The following PDK1 variants were observed in gnomAD, a reference collection of about 807,000 sequenced individuals.
PDK1 encodes [Pyruvate dehydrogenase (acetyl-transferring)] kinase isozyme 1, mitochondrial.
A neutral mutation model predicts 54.2 loss-of-function variants in PDK1; 39 were observed. That is an observed-to-expected ratio of 0.72 (90% confidence interval 0.56 to 0.94). The LOEUF is 0.94. Ranked by LOEUF, PDK1 falls within the 40% of genes least tolerant of loss-of-function variation. PDK1 has a pLI of 0.00. For synonymous variants in PDK1, 221 were observed against 207.1 expected, an observed-to-expected ratio of 1.07 and a Z score of -0.58; for missense variants, 552 against 566.0, an observed-to-expected ratio of 0.98 and a Z score of 0.25.
chr2:172,616,583 A>G, the PDK1 span, among the ~76,000 whole-genome samples: 1 of 152,254 alleles, frequency 6.6e-6, no homozygotes, highest in Admixed American at 6.5e-5. Context: ...TGGATGGAAT[A>G]GGGAAAAGCA....
chr2:172,592,965 C>G lies in PDK1; in HGVS notation c.1087C>G (p.Arg363Gly). 6 of 1,611,892 alleles carry G rather than the reference C, an allele frequency of 3.7e-6. No homozygotes were observed. Among genetic ancestry groups the G allele is most frequent in the Non-Finnish European group, 5.1e-6 (6 of 1,178,310 alleles). The change falls in exon 10 of 11, where the codon CGT (arginine) becomes GGT (glycine). Residue 363 changes from arginine (R) to glycine (G), a missense_variant. Arg to Gly is a moderately radical substitution (Grantham distance 125). Transcript: ENST00000282077. The stretch of plus-strand genomic sequence containing the variant: ...TTTTGGTTATGGATTGCCCATATCA[C>G]GTCTTTACGCACAATACTTCCAAGG... ...AGFGYGLPIS[R>G]LYAQYFQGDL...
At chr2:172,679,669 T>C in the PDK1 span, among the ~76,000 whole-genome samples, 2 of 151,820 alleles carry the variant, frequency 1.3e-5, no homozygotes, top group African/African-American at 4.8e-5. Context: ...ATAGGCCCAA[T>C]AGATTGTGAA....
the PDK1 span, among the ~76,000 whole-genome samples, chr2:172,645,259 G>GTTTTTTTT: frequency 1.0e-4 from 4 of 38,752 alleles, no homozygotes; most frequent in East Asian, 0.011. Context: ...TACAAAATAG[G>GTTTTTTTT]CTTTTTTTTT....
chr2:172,678,446 G>A, the PDK1 span, among the ~76,000 whole-genome samples: 1 of 152,104 alleles, frequency 6.6e-6, no homozygotes, highest in African/African-American at 2.4e-5. Flanking sequence ...GTTGGAGAGA[G>A]TAAGACAGGA....
the PDK1 span, among the ~76,000 whole-genome samples, chr2:172,691,670 T>C: frequency 3.3e-5 from 5 of 152,228 alleles, no homozygotes; most frequent in Admixed American, 6.5e-5. Context: ...GTACAATATT[T>C]AGTCTTTTCA....
intron 8 of PDK1, among the ~76,000 whole-genome samples, chr2:172,580,051 TTTTA>T: frequency 6.7e-6 from 1 of 150,002 alleles, no homozygotes; most frequent in Middle Eastern, 3.4e-3. Context: ...TCTGCTCTAG[TTTTA>T]TTTTATTGCT....
chr2:172,685,452 C>A, the PDK1 span, among the ~76,000 whole-genome samples: 5 of 152,200 alleles, frequency 3.3e-5, no homozygotes, highest in African/African-American at 1.2e-4. Context: ...AAAGAAATAT[C>A]ATTTGCTGAA....
chr2:172,716,709 G>A, the PDK1 span, among the ~76,000 whole-genome samples: 1 of 152,024 alleles, frequency 6.6e-6, no homozygotes, highest in Non-Finnish European at 1.5e-5. Context: ...CAAATATTCT[G>A]TTTTTCAGAT....
chr2:172,713,124 C>T, the PDK1 span, among the ~76,000 whole-genome samples: 2 of 152,140 alleles, frequency 1.3e-5, no homozygotes, highest in Non-Finnish European at 2.9e-5. Flanking sequence ...TATCCACAGG[C>T]AGGTTGTACA....
At chr2:172,717,164 T>A in the PDK1 span, among the ~76,000 whole-genome samples, 1 of 152,228 alleles carries the variant, frequency 6.6e-6, no homozygotes, top group Admixed American at 6.5e-5. Flanking sequence ...ATCAAAGAAC[T>A]GCTTACGGCT....
chr2:172,645,621 G>A, the PDK1 span, among the ~76,000 whole-genome samples: 2,403 of 152,142 alleles, frequency 0.016, 63 homozygotes, highest in African/African-American at 0.055. Flanking sequence ...ACTGTATAAC[G>A]CCACTACTGA....
the PDK1 span, chr2:172,675,032 A>G: frequency 6.6e-6 from 1 of 152,276 alleles, no homozygotes; most frequent in East Asian, 1.9e-4. Context: ...ATCTGTGATC[A>G]GTGGTCTTTC....
the PDK1 span, among the ~76,000 whole-genome samples, chr2:172,622,849 T>C: frequency 2.7e-5 from 4 of 146,782 alleles, no homozygotes; most frequent in East Asian, 1.9e-4. Flanking sequence ...TATATGTTTA[T>C]ATATTATATG....
At chr2:172,609,908 G>A (rs949765674), downstream of PDK1, among the ~76,000 whole-genome samples, 16 of 151,992 alleles carry the variant, frequency 1.1e-4, no homozygotes, top group African/African-American at 3.6e-4. Context: ...TGCAACCTCC[G>A]CCTCCTAGGT....
the PDK1 span, among the ~76,000 whole-genome samples, chr2:172,627,198 T>A: frequency 6.6e-6 from 1 of 152,354 alleles, no homozygotes; most frequent in East Asian, 1.9e-4. Context: ...GGGCCACCTG[T>A]GGATTGTCAC....
downstream of PDK1, among the ~76,000 whole-genome samples, chr2:172,610,628 TA>T (rs1229200131): frequency 2.0e-5 from 3 of 152,230 alleles, no homozygotes; most frequent in Non-Finnish European, 4.4e-5. Flanking sequence ...CTTTTTTCTT[TA>T]AGATGGAATC....
chr2:172,556,435 G>A lies in PDK1; in HGVS notation c.196+89G>A. The A allele has an allele frequency of 2.0e-6, 2 of 983,558 alleles. 1 individual carries two copies. The highest frequency in any genetic ancestry group is 3.4e-5 in the African/African-American group (2 of 59,168). The allele number at this position is 983,558 out of a possible 1,614,324, so 60.9% of individuals were successfully genotyped here. A position where few individuals can be genotyped will look rare whatever the true frequency, so the allele number is the denominator to read the frequency against. ...CCCCAGGCCGGGTCGGCGCCGGCCA[G>A]CTCTCGCCTGAGGCGCACCCCTCCT... On this transcript the variant is annotated intron_variant, in intron 1 of 10. Coordinates refer to ENST00000282077, the MANE Select transcript of PDK1 (RefSeq NM_002610.5).
At chr2:172,694,864 C>T in the PDK1 span, among the ~76,000 whole-genome samples, 240 of 152,296 alleles carry the variant, frequency 1.6e-3, 2 homozygotes, top group Middle Eastern at 3.4e-3. Context: ...GACCTGTAAT[C>T]CCAGCACTTT....
chr2:172,555,864 C>G (rs773095059), upstream of PDK1: 1 of 296,138 alleles, frequency 3.4e-6, no homozygotes, highest in Non-Finnish European at 6.2e-6. Flanking sequence ...ATCTGGGCGG[C>G]GGCTGCGGCC....
Sources: allele counts gnomAD v4.1 joint callset (sites outside exome capture counted in the v4.1 genomes callset), GRCh38; gene constraint gnomAD v4.1.1; transcripts MANE v1.5; gene names NCBI Gene and HGNC (gene_info 2026-07-23, HGNC 2026-07-21).